VEGFC: variants seen among roughly 807,000 people sequenced by gnomAD.
VEGFC encodes FLT4 ligand DHM.
VEGFC carries 12 observed loss-of-function variants against 46.1 expected under a neutral mutation model. That is an observed-to-expected ratio of 0.26 (90% confidence interval 0.17 to 0.42). The LOEUF (loss-of-function observed/expected upper bound fraction) is 0.42, where lower values mean the gene tolerates loss of function less well. Among genes scored for constraint, VEGFC ranks in the 10% least tolerant of loss-of-function variants. The pLI is 1.00. For synonymous variants in VEGFC, 232 were observed against 195.5 expected (o/e 1.19, Z -1.56); for missense variants, 488 against 529.4 (o/e 0.92, Z 0.77).
chr4:176,775,135 T>G (rs1038071837), intron 1 of VEGFC, among the ~76,000 whole-genome samples: 1 of 152,172 alleles, frequency 6.6e-6, no homozygotes, highest in Non-Finnish European at 1.5e-5. Context: ...ATAAATCCAC[T>G]GCTCCAAGTA....
At chr4:176,767,696 TG>T (rs998440562) in intron 1 of VEGFC, among the ~76,000 whole-genome samples, 35 of 151,586 alleles carry the variant, frequency 2.3e-4, no homozygotes, top group African/African-American at 8.3e-4. Context: ...TACTATTACT[TG>T]ATAGAGATTT....
intron 1 of VEGFC, among the ~76,000 whole-genome samples, chr4:176,755,546 C>T (rs921822326): frequency 6.6e-6 from 1 of 151,922 alleles, no homozygotes; most frequent in Non-Finnish European, 1.5e-5. Context: ...CATTTTCCTG[C>T]CAAAGTGCCC....
chr4:176,775,757 T>C (rs1254732912), intron 1 of VEGFC, among the ~76,000 whole-genome samples: 1 of 152,232 alleles, frequency 6.6e-6, no homozygotes, highest in Admixed American at 6.5e-5. Context: ...TAATATATTT[T>C]CTTGTTTGCA....
At chr4:176,711,906 AACT>A (rs1172992815) in intron 3 of VEGFC, among the ~76,000 whole-genome samples, 1 of 152,172 alleles carries the variant, frequency 6.6e-6, no homozygotes, top group African/African-American at 2.4e-5. Flanking sequence ...TAGGATAACC[AACT>A]AATTGGTTAT....
At chr4:176,789,296 G>A (rs115732624) in intron 1 of VEGFC, among the ~76,000 whole-genome samples, 3,539 of 152,242 alleles carry the variant, frequency 0.023, 65 homozygotes, top group South Asian at 0.04. Context: ...AGAGATCTAC[G>A]GGTCTTAGAC....
intron 3 of VEGFC, among the ~76,000 whole-genome samples, chr4:176,721,141 G>C (rs1384766218): frequency 6.6e-6 from 1 of 152,140 alleles, no homozygotes; most frequent in Non-Finnish European, 1.5e-5. Flanking sequence ...GTGGTAAGTA[G>C]TGTTTGTGGG....
chr4:176,766,072 T>C (rs1351203119), intron 1 of VEGFC, among the ~76,000 whole-genome samples: 1 of 152,026 alleles, frequency 6.6e-6, no homozygotes, highest in Non-Finnish European at 1.5e-5. Context: ...AAATGTCTCA[T>C]ACCTAGGTAC....
At chr4:176,762,768 CAG>C (rs970777364) in intron 1 of VEGFC, among the ~76,000 whole-genome samples, 1 of 152,100 alleles carries the variant, frequency 6.6e-6, no homozygotes, top group African/African-American at 2.4e-5. Flanking sequence ...TGAAATAATT[CAG>C]AGAGTATTCA....
At chr4:176,697,099 A>C (rs897828923) in intron 4 of VEGFC, among the ~76,000 whole-genome samples, 11 of 152,080 alleles carry the variant, frequency 7.2e-5, no homozygotes, top group African/African-American at 2.7e-4. Flanking sequence ...CTAAAACACC[A>C]AAAGCAATGG....
At chr4:176,758,278 ATAAGT>A (rs1735468271) in intron 1 of VEGFC, among the ~76,000 whole-genome samples, 1 of 152,124 alleles carries the variant, frequency 6.6e-6, no homozygotes, top group South Asian at 2.1e-4. Context: ...TGAAGAACAA[ATAAGT>A]TAATTGCCTC....
intron 1 of VEGFC, among the ~76,000 whole-genome samples, chr4:176,739,658 T>C (rs1050943158): frequency 6.6e-6 from 1 of 151,704 alleles, no homozygotes; most frequent in Non-Finnish European, 1.5e-5. Flanking sequence ...GTTTAATACC[T>C]ATGTGATAGG....
intron 4 of VEGFC, among the ~76,000 whole-genome samples, chr4:176,695,164 C>A (rs1354517098): frequency 1.3e-5 from 2 of 151,656 alleles, no homozygotes; most frequent in African/African-American, 4.9e-5. Context: ...ACACAAAAAA[C>A]CCTTCAAAAA....
chr4:176,772,845 C>G (rs1318493670), intron 1 of VEGFC, among the ~76,000 whole-genome samples: 1 of 152,176 alleles, frequency 6.6e-6, no homozygotes, highest in Non-Finnish European at 1.5e-5. Context: ...CCCTGCAACC[C>G]TGGACTTTCC....
At chr4:176,779,126 G>A (rs1010732188) in intron 1 of VEGFC, among the ~76,000 whole-genome samples, 1 of 152,104 alleles carries the variant, frequency 6.6e-6, no homozygotes, top group Non-Finnish European at 1.5e-5. Flanking sequence ...TAAAATCAAA[G>A]CTATCCTAAT....
intron 4 of VEGFC, 82 bp from the exon 5 acceptor site, chr4:176,688,009 T>A (rs1297182133): frequency 8.8e-6 from 6 of 682,342 alleles, no homozygotes; most frequent in Non-Finnish European, 1.5e-5. Context: ...TGTATCAAAA[T>A]AATGCTCATA....
At chr4:176,740,500 CTA>C (rs1218329627) in intron 1 of VEGFC, among the ~76,000 whole-genome samples, 5 of 51,010 alleles carry the variant, frequency 9.8e-5, no homozygotes, top group African/African-American at 9.5e-5. Flanking sequence ...GTATATATAA[CTA>C]TATATTCTAT....
chr4:176,710,413 C>G (rs1734602302), intron 4 of VEGFC, among the ~76,000 whole-genome samples: 1 of 152,070 alleles, frequency 6.6e-6, no homozygotes, highest in Non-Finnish European at 1.5e-5. Context: ...TCTTTGCTTT[C>G]TCACATAAAA....
chr4:176,750,280 T>C (rs967748646), intron 1 of VEGFC, among the ~76,000 whole-genome samples: 1 of 151,790 alleles, frequency 6.6e-6, no homozygotes, highest in Non-Finnish European at 1.5e-5. Context: ...ATTATGACTA[T>C]GTGGATTTAT....
At position 176,792,086 on chromosome 4, in the gene VEGFC, C is replaced by G. The variant is rs1560969292; in HGVS notation, c.147+79G>C. The G allele has an allele frequency of 1.1e-5, 15 of 1,399,240 alleles. No individual in the cohort carries two copies. Among genetic ancestry groups the G allele is most frequent in the Non-Finnish European group, 1.4e-5 (15 of 1,071,862 alleles). 86.7% of individuals were successfully genotyped at this position (1,399,240 alleles called of 1,614,324 possible). A position where few individuals can be genotyped will look rare whatever the true frequency, so the allele number is the denominator to read the frequency against. ...CACAAGCTTAAAGCACACACACTTT[C>G]CCCCGCGCAGGTTCTCGGGTCCGCC... On this transcript the variant is annotated intron_variant, in intron 1 of 6. Transcript: ENST00000618562. This position sits in a 1 kb window ranked among gnomAD's most constrained non-coding sequence, Gnocchi z 6.3.
Sources: gnomAD v4.1 joint callset for allele counts (sites outside exome capture counted in the v4.1 genomes callset) on GRCh38, gnomAD v4.1.1 for gene constraint, Gnocchi (gnomAD v3.1) non-coding constraint, MANE v1.5 for transcripts, NCBI Gene and HGNC (gene_info 2026-07-23, HGNC 2026-07-21) for gene names.